Variants in DAB1 observed in about 807,000 individuals in gnomAD.
DAB1 encodes disabled homolog 1.
Under a neutral mutation model 64.6 loss-of-function variants are expected in DAB1, and 15 were observed. That is an observed-to-expected ratio of 0.23 (90% CI 0.16 to 0.36). The LOEUF is 0.36. DAB1 is among the 10% of genes least tolerant of loss of function. The probability of loss-of-function intolerance (pLI) is 1.00; values close to 1 mark genes in which losing one functional copy is unlikely to be tolerated. For synonymous variants in DAB1, 235 were observed against 251.9 expected (o/e 0.93, Z 0.64); for missense variants, 596 against 706.7 (o/e 0.84, Z 1.78).
intron 6 of DAB1, among the ~76,000 whole-genome samples, chr1:57,712,622 G>T (rs1474097531): frequency 1.3e-5 from 2 of 152,160 alleles, no homozygotes; most frequent in African/African-American, 4.8e-5. Context: ...AGAAGGAAAG[G>T]GACTGAGCTA....
chr1:57,348,851 A>C (rs1359578323), intron 1 of DAB1, among the ~76,000 whole-genome samples: 1 of 151,800 alleles, frequency 6.6e-6, no homozygotes, highest in Non-Finnish European at 1.5e-5. Flanking sequence ...CTCCAACAAG[A>C]CTCCAAAGTT....
At chr1:58,203,518 A>G (rs1658108018) in intron 4 of DAB1, among the ~76,000 whole-genome samples, 1 of 152,140 alleles carries the variant, frequency 6.6e-6, no homozygotes, top group Admixed American at 6.5e-5. Flanking sequence ...TCTGCCACTA[A>G]ATCCTCTCCT....
chr1:57,799,563 A>G (rs63240264), intron 6 of DAB1, among the ~76,000 whole-genome samples: 3 of 13,728 alleles, frequency 2.2e-4, no homozygotes, highest in South Asian at 7.1e-3. Flanking sequence ...TTGAGATGAG[A>G]AAAAAAAAAA....
chr1:57,564,732 T>C (rs990419583), intron 7 of DAB1, among the ~76,000 whole-genome samples: 4 of 151,210 alleles, frequency 2.6e-5, no homozygotes, highest in Non-Finnish European at 5.9e-5. Context: ...AAGTTTAGAG[T>C]AAAAAGAAAT....
intron 1 of DAB1, among the ~76,000 whole-genome samples, chr1:57,410,974 G>A (rs1421194056): frequency 6.6e-6 from 1 of 152,152 alleles, no homozygotes; most frequent in African/African-American, 2.4e-5. Context: ...GATGTCATAA[G>A]GGATGACTGT....
intron 3 of DAB1, among the ~76,000 whole-genome samples, chr1:58,439,078 C>T (rs1003987460): frequency 4.0e-5 from 6 of 150,060 alleles, no homozygotes; most frequent in East Asian, 2.0e-4. Context: ...GCAGAGATAT[C>T]GTTCCCCACC....
chr1:57,501,275 G>T (rs919917030), intron 7 of DAB1, among the ~76,000 whole-genome samples: 2 of 152,218 alleles, frequency 1.3e-5, no homozygotes, highest in African/African-American at 4.8e-5. Flanking sequence ...CTTACTGGAG[G>T]ATGAAAGCCA....
chr1:58,168,952 C>G (rs1188675421), intron 4 of DAB1, among the ~76,000 whole-genome samples: 1 of 152,150 alleles, frequency 6.6e-6, no homozygotes, highest in Non-Finnish European at 1.5e-5. Flanking sequence ...TCTAGGAGGA[C>G]AGGCAAGGTT....
chr1:58,156,540 A>G (rs1655237853), intron 4 of DAB1, among the ~76,000 whole-genome samples: 1 of 152,220 alleles, frequency 6.6e-6, no homozygotes, highest in Non-Finnish European at 1.5e-5. Flanking sequence ...AGAAGAGTTA[A>G]TGCACAATTT....
At chr1:57,569,982 G>A (rs1279373980) in intron 7 of DAB1, among the ~76,000 whole-genome samples, 6 of 152,134 alleles carry the variant, frequency 3.9e-5, no homozygotes, top group Admixed American at 2.6e-4. Flanking sequence ...ATGTGTATGG[G>A]TTCAAGTTGA....
intron 4 of DAB1, among the ~76,000 whole-genome samples, chr1:58,257,463 A>C (rs1660959178): frequency 6.6e-6 from 1 of 152,160 alleles, no homozygotes. Context: ...CTTTCCCTGA[A>C]AAGCACTTTA....
At chr1:58,000,744 T>C (rs1646495329) in intron 5 of DAB1, among the ~76,000 whole-genome samples, 1 of 151,928 alleles carries the variant, frequency 6.6e-6, no homozygotes, top group Non-Finnish European at 1.5e-5. Context: ...CTAATCCTTG[T>C]ATTTTTAGTA....
intron 3 of DAB1, among the ~76,000 whole-genome samples, chr1:58,451,138 G>A (rs971501063): frequency 2.0e-5 from 3 of 152,128 alleles, no homozygotes. Context: ...CACTCAGGGT[G>A]GAATGCCATG....
intron 1 of DAB1, among the ~76,000 whole-genome samples, chr1:57,883,514 G>A (rs1358102443): frequency 3.9e-5 from 6 of 152,220 alleles, no homozygotes; most frequent in South Asian, 2.1e-4. Flanking sequence ...TGTTTAATAC[G>A]GTCAGACCCT....
chr1:58,492,645 C>T (rs1645718469), intron 3 of DAB1, among the ~76,000 whole-genome samples: 1 of 152,158 alleles, frequency 6.6e-6, no homozygotes, highest in African/African-American at 2.4e-5. Context: ...CACCTCTACA[C>T]AAATAAACTA....
At chr1:58,217,268 C>A (rs1658906136) in intron 4 of DAB1, among the ~76,000 whole-genome samples, 2 of 152,206 alleles carry the variant, frequency 1.3e-5, no homozygotes, top group South Asian at 4.1e-4. Context: ...TGGACTCTGT[C>A]TCTTCTCAGA....
intron 7 of DAB1, among the ~76,000 whole-genome samples, chr1:57,494,067 T>G (rs1278232271): frequency 6.6e-6 from 1 of 152,168 alleles, no homozygotes; most frequent in African/African-American, 2.4e-5. Flanking sequence ...CAGTATACTC[T>G]GTGAACTCTA....
intron 2 of DAB1, among the ~76,000 whole-genome samples, chr1:57,231,662 G>T (rs890973494): frequency 6.6e-6 from 1 of 152,210 alleles, no homozygotes; most frequent in South Asian, 2.1e-4. Context: ...TGGAGAAACT[G>T]TTACTTAGAG....
At chr1:57,490,066 G>C (rs1644142773) in intron 7 of DAB1, among the ~76,000 whole-genome samples, 1 of 152,154 alleles carries the variant, frequency 6.6e-6, no homozygotes, top group South Asian at 2.1e-4. Context: ...AGCAAGAAGT[G>C]CCATTTATGA....
Sources: allele counts gnomAD v4.1 joint callset (sites outside exome capture counted in the v4.1 genomes callset), GRCh38; gene constraint gnomAD v4.1.1; transcripts MANE v1.5; gene names NCBI Gene and HGNC (gene_info 2026-07-23, HGNC 2026-07-21).